ZMIZ1: variants seen among roughly 807,000 people sequenced by gnomAD.
ZMIZ1 encodes zinc finger MIZ domain-containing protein 1.
In ZMIZ1, 17 loss-of-function variants were observed where a neutral mutation model predicts 113.9. The ratio of observed to expected loss-of-function variants is 0.15; its 90% CI spans 0.10 to 0.22. ZMIZ1 has a LOEUF of 0.22. Among genes scored for constraint, ZMIZ1 ranks in the 10% least tolerant of loss-of-function variants. The probability of loss-of-function intolerance (pLI) is 1.00; values close to 1 mark genes in which losing one functional copy is unlikely to be tolerated. For synonymous variants in ZMIZ1, 607 were observed against 603.1 expected (o/e 1.01, Z -0.09); for missense variants, 1,059 against 1,477.8 (o/e 0.72, Z 4.65).
At chr10:79,278,858 A>C (rs1412881535) in intron 8 of ZMIZ1, among the ~76,000 whole-genome samples, 2 of 152,180 alleles carry the variant, frequency 1.3e-5, no homozygotes, top group African/African-American at 4.8e-5. Context: ...ACACAGTAAC[A>C]ATCTGATCTC....
chr10:79,162,975 C>G (rs1846177127), intron 4 of ZMIZ1, among the ~76,000 whole-genome samples: 1 of 152,230 alleles, frequency 6.6e-6, no homozygotes, highest in Non-Finnish European at 1.5e-5. Context: ...CGTGCCCCAG[C>G]ATTTCTCATC....
chr10:79,251,021 AG>A (rs1300101760), intron 7 of ZMIZ1, among the ~76,000 whole-genome samples: 2 of 152,058 alleles, frequency 1.3e-5, no homozygotes, highest in Non-Finnish European at 2.9e-5. Context: ...GGGGGCCAAA[AG>A]GGGAGGGGCT....
At chr10:79,299,672 G>A (rs575228087) in intron 16 of ZMIZ1, among the ~76,000 whole-genome samples, 1 of 152,370 alleles carries the variant, frequency 6.6e-6, no homozygotes, top group South Asian at 2.1e-4. Flanking sequence ...TGGAACACAA[G>A]GTCCGGAGGT....
chr10:79,147,973 A>G (rs1010535820), intron 3 of ZMIZ1, among the ~76,000 whole-genome samples: 4 of 152,216 alleles, frequency 2.6e-5, no homozygotes, highest in Non-Finnish European at 1.5e-5. Context: ...GGGCCTCCCC[A>G]GGCCTTCATC....
chr10:79,087,422 C>T (rs1311588819), intron 1 of ZMIZ1, among the ~76,000 whole-genome samples: 1 of 152,190 alleles, frequency 6.6e-6, no homozygotes, highest in Non-Finnish European at 1.5e-5. Flanking sequence ...GTCCCCATTC[C>T]CCTGCCCAGA....
chr10:79,251,940 G>T (rs990139056), intron 7 of ZMIZ1, among the ~76,000 whole-genome samples: 4 of 152,172 alleles, frequency 2.6e-5, no homozygotes, highest in Non-Finnish European at 4.4e-5. Flanking sequence ...TGGGTCCTTA[G>T]TGGCTTCTAG....
chr10:79,165,950 G>C (rs1345891887), intron 4 of ZMIZ1, among the ~76,000 whole-genome samples: 1 of 28,014 alleles, frequency 3.6e-5, no homozygotes, highest in Non-Finnish European at 6.6e-5. Flanking sequence ...CAGCTCAGCT[G>C]TGTGTGTGTG....
At chr10:79,172,383 C>T (rs1253261904) in intron 4 of ZMIZ1, among the ~76,000 whole-genome samples, 2 of 152,146 alleles carry the variant, frequency 1.3e-5, no homozygotes, top group Admixed American at 6.5e-5. Context: ...ATGTCTGTCA[C>T]TGAAGAGCAG....
chr10:79,092,166 G>A (rs1843001758), intron 1 of ZMIZ1, among the ~76,000 whole-genome samples: 1 of 152,186 alleles, frequency 6.6e-6, no homozygotes, highest in Non-Finnish European at 1.5e-5. Context: ...GCAAAATGGG[G>A]AGATTCTGCA....
chr10:79,172,998 G>C (rs970300681), intron 4 of ZMIZ1, among the ~76,000 whole-genome samples: 2 of 152,158 alleles, frequency 1.3e-5, no homozygotes, highest in Non-Finnish European at 2.9e-5. Flanking sequence ...GAGTCAGATG[G>C]GGGATTCACA....
intron 1 of ZMIZ1, among the ~76,000 whole-genome samples, chr10:79,115,534 A>G (rs1049310092): frequency 2.0e-5 from 3 of 152,206 alleles, no homozygotes; most frequent in Non-Finnish European, 4.4e-5. Flanking sequence ...AGGAAGGCAG[A>G]AAGATGGTGG....
intron 4 of ZMIZ1, among the ~76,000 whole-genome samples, chr10:79,195,983 C>T (rs934587243): frequency 6.6e-6 from 1 of 152,124 alleles, no homozygotes; most frequent in African/African-American, 2.4e-5. Flanking sequence ...TGGAAGATCC[C>T]AGCCTGCCCC....
chr10:79,285,158 C>T (rs2132006016), intron 8 of ZMIZ1, among the ~76,000 whole-genome samples: 1 of 152,318 alleles, frequency 6.6e-6, no homozygotes, highest in Non-Finnish European at 1.5e-5. Flanking sequence ...GTCTGGTGAC[C>T]CGGCAGCCTT....
chr10:79,310,953 C>T lies in ZMIZ1; in HGVS notation c.2865C>T (p.Pro955=). Residue 955 remains proline (P), a synonymous_variant, in exon 24 of 25, where the codon CCC becomes CCT. Transcript: ENST00000334512. ...CACACGCTGGCAGCTCTGACCAGCC[C>T]CACCCCTCCATACAACAAGGTTTGC... The part of the protein sequence containing the change: ...TMPHAGSSDQ[P]HPSIQQGLHV... 1 of 1,613,892 alleles carries T rather than the reference C, an allele frequency of 6.2e-7. No homozygotes were observed. The highest frequency in any genetic ancestry group is 8.5e-7 in the Non-Finnish European group (1 of 1,179,916).
chr10:79,232,704 A>G (rs1849439075), intron 7 of ZMIZ1, among the ~76,000 whole-genome samples: 1 of 152,162 alleles, frequency 6.6e-6, no homozygotes, highest in South Asian at 2.1e-4. Context: ...AGGAGTTACC[A>G]TGTTTTAGAT....
intron 1 of ZMIZ1, among the ~76,000 whole-genome samples, chr10:79,100,981 TGAG>T (rs967826962): frequency 4.6e-5 from 7 of 152,140 alleles, no homozygotes; most frequent in Admixed American, 3.9e-4. Context: ...GCAGGTCTGA[TGAG>T]GAGCACAAAG....
chr10:79,069,098 G>C lies in ZMIZ1; in HGVS notation c.-509G>C, dbSNP rs975571247. ...GCGAGCAGCGATCGGGCGGCCGAGCGAGCGAGCAACGCCGGCGCAGCGCGG... is the reference window on the plus strand; with the variant it reads ...GCGAGCAGCGATCGGGCGGCCGAGCCAGCGAGCAACGCCGGCGCAGCGCGG... On this transcript the variant is annotated 5_prime_UTR_variant, in exon 1 of 25. Coordinates refer to ENST00000334512, the MANE Select transcript of ZMIZ1 (RefSeq NM_020338.4). The surrounding 1 kb of genome is among the most constrained non-coding windows in gnomAD (Gnocchi z 4.6). 1 of 150,458 alleles carries C rather than the reference G, an allele frequency of 6.6e-6. No individual in the cohort carries two copies. The highest frequency in any genetic ancestry group is 1.9e-4 in the East Asian group (1 of 5,132). 9.3% of individuals were successfully genotyped at this position (150,458 alleles called of 1,614,324 possible).
intron 23 of ZMIZ1, among the ~76,000 whole-genome samples, chr10:79,310,252 T>A (rs1770731915): frequency 6.6e-6 from 1 of 152,094 alleles, no homozygotes; most frequent in African/African-American, 2.4e-5. Context: ...AGGAAAAGGG[T>A]CTGGCAGGGT....
chr10:79,096,849 G>T (rs1288851776), intron 1 of ZMIZ1, among the ~76,000 whole-genome samples: 1 of 152,218 alleles, frequency 6.6e-6, no homozygotes, highest in Admixed American at 6.5e-5. Flanking sequence ...ATTATGATAA[G>T]CACCAAGAAA....
Sources: gnomAD v4.1 joint callset for allele counts (sites outside exome capture counted in the v4.1 genomes callset) on GRCh38, gnomAD v4.1.1 for gene constraint, Gnocchi (gnomAD v3.1) non-coding constraint, MANE v1.5 for transcripts, NCBI Gene and HGNC (gene_info 2026-07-23, HGNC 2026-07-21) for gene names.